OSBPL3: variants seen among roughly 807,000 people sequenced by gnomAD.
OSBPL3 encodes the protein oxysterol-binding protein-related protein 3.
OSBPL3 carries 65 observed loss-of-function variants against 120.1 expected under a neutral mutation model. That is an observed-to-expected ratio of 0.54 (90% CI 0.44 to 0.67). The LOEUF (loss-of-function observed/expected upper bound fraction) is 0.67, where lower values mean the gene tolerates loss of function less well. Among genes scored for constraint, OSBPL3 ranks in the 30% least tolerant of loss-of-function variants. The pLI is 0.00. For missense variants in OSBPL3, 1,004 were observed against 1,082.1 expected (o/e 0.93, Z 1.01); for synonymous variants, 416 against 402.6 (o/e 1.03, Z -0.40).
At chr7:24,839,040 C>A (rs1584317520) in intron 14 of OSBPL3, among the ~76,000 whole-genome samples, 1 of 152,130 alleles carries the variant, frequency 6.6e-6, no homozygotes, top group Non-Finnish European at 1.5e-5. Context: ...TGCTTTCTTC[C>A]CCTATACTGC....
chr7:24,963,222 G>C (rs779418891), intron 1 of OSBPL3, among the ~76,000 whole-genome samples: 51 of 152,282 alleles, frequency 3.3e-4, no homozygotes, highest in Non-Finnish European at 6.3e-4. Context: ...GGGGTTTGCT[G>C]CTTGAATTCA....
intron 1 of OSBPL3, among the ~76,000 whole-genome samples, chr7:24,915,897 A>G (rs980454968): frequency 1.3e-5 from 2 of 152,218 alleles, no homozygotes; most frequent in East Asian, 3.8e-4. Context: ...AAGAATGAAA[A>G]GCCATAGTAA....
rs1337514559 is a variant in OSBPL3, at chr7:24,862,954, C to T, written c.870+246G>A. ...AAAGCCCTAGAAATGGCAGCAGTCC[C>T]TGCGACCTCACACCCTTTTTCCCTT... On this transcript the variant is annotated intron_variant, in intron 9 of 22. Coordinates refer to ENST00000313367, the MANE Select transcript of OSBPL3 (RefSeq NM_015550.4). The surrounding 1 kb of genome is among the most constrained non-coding windows in gnomAD (Gnocchi z 4.4). Among the ~76,000 whole-genome samples, 2 of 152,234 alleles carry T rather than the reference C, an allele frequency of 1.3e-5. No individual in the cohort carries two copies. The highest frequency in any genetic ancestry group is 3.8e-4 in the East Asian group (2 of 5,206).
rs1003902515 is a variant in OSBPL3, at chr7:24,980,071, G to A, written c.-335C>T. On this transcript the variant is annotated 5_prime_UTR_variant, in exon 1 of 23. Coordinates refer to ENST00000313367, the MANE Select transcript of OSBPL3 (RefSeq NM_015550.4). ...CACTTGCAGACAGACTGCGGGGCCGGAGCCGCGCTGCGCACCGGCCGCGAA... is the reference window on the plus strand; with the variant it reads ...CACTTGCAGACAGACTGCGGGGCCGAAGCCGCGCTGCGCACCGGCCGCGAA... The A allele has an allele frequency of 7.1e-6, 7 of 984,646 alleles. No homozygotes were observed. The highest frequency in any genetic ancestry group is 6.2e-5 in the Admixed American group (1 of 16,260). 61.0% of individuals were successfully genotyped at this position (984,646 alleles called of 1,614,324 possible).
intron 1 of OSBPL3, among the ~76,000 whole-genome samples, chr7:24,910,008 G>T (rs1456838026): frequency 6.6e-6 from 1 of 151,910 alleles, no homozygotes; most frequent in Non-Finnish European, 1.5e-5. Flanking sequence ...GTTTCGCCAT[G>T]TTGGTCAGGC....
At chr7:24,870,189 C>A (rs778709612) in intron 5 of OSBPL3, among the ~76,000 whole-genome samples, 6 of 152,176 alleles carry the variant, frequency 3.9e-5, no homozygotes, top group African/African-American at 7.2e-5. Context: ...ACGCTTCATG[C>A]TTTGACTATC....
At chr7:24,921,623 G>A (rs1269082199) in intron 1 of OSBPL3, among the ~76,000 whole-genome samples, 2 of 152,092 alleles carry the variant, frequency 1.3e-5, no homozygotes, top group Non-Finnish European at 2.9e-5. Flanking sequence ...ACCCTCTAGG[G>A]TACCTCTCAG....
chr7:24,921,958 C>T (rs1413715787), intron 1 of OSBPL3, among the ~76,000 whole-genome samples: 2 of 152,192 alleles, frequency 1.3e-5, no homozygotes, highest in African/African-American at 2.4e-5. Flanking sequence ...TTGGCAGCTT[C>T]TCAACATCTA....
chr7:24,965,519 A>C lies in OSBPL3; in HGVS notation c.-150+14367T>G, dbSNP rs1816269408. On this transcript the variant is annotated intron_variant, in intron 1 of 22. Transcript: ENST00000313367. This position sits in a 1 kb window ranked among gnomAD's most constrained non-coding sequence, Gnocchi z 4.3. ...ATTCTCTGGTTCTTCTCGGAATCAG[A>C]ATGGACTCCAGGCTGGTTAAGACTT... is the stretch of plus-strand genomic sequence containing the variant. 6.6e-6 allele frequency among the ~76,000 whole-genome samples: 1 copy of C among 152,190 alleles called. No individual in the cohort carries two copies. Among genetic ancestry groups the C allele is most frequent in the African/African-American group, 2.4e-5 (1 of 41,436 alleles).
At chr7:24,878,305 T>TG (rs1243717886) in intron 2 of OSBPL3, among the ~76,000 whole-genome samples, 1 of 152,180 alleles carries the variant, frequency 6.6e-6, no homozygotes, top group Non-Finnish European at 1.5e-5. Context: ...TCAAGAGTGT[T>TG]GGGGAAGAAA....
chr7:24,875,689 G>T (rs1177102551), intron 2 of OSBPL3, among the ~76,000 whole-genome samples: 1 of 151,712 alleles, frequency 6.6e-6, no homozygotes. Context: ...CTCCAGCCTG[G>T]GTGAAAGAGT....
rs974070331 is a variant in OSBPL3 at position 24,898,685 on chromosome 7, G to T, written c.-149-6064C>A. Reference sequence around the variant, plus strand: ...ACAAAAAGCTGGACAATGGTATCTGGCTGTCAGTTTAGGCTGGAACCATTT... The same window carrying T: ...ACAAAAAGCTGGACAATGGTATCTGTCTGTCAGTTTAGGCTGGAACCATTT... On this transcript the variant is annotated intron_variant, in intron 1 of 22. Transcript: ENST00000313367. This position sits in a 1 kb window ranked among gnomAD's most constrained non-coding sequence, Gnocchi z 4.3. 6.6e-6 allele frequency among the ~76,000 whole-genome samples: 1 copy of T among 152,104 alleles called. No homozygotes were observed. The highest frequency in any genetic ancestry group is 2.4e-5 in the African/African-American group (1 of 41,408).
intron 14 of OSBPL3, among the ~76,000 whole-genome samples, chr7:24,840,152 C>G (rs1797553172): frequency 8.2e-6 from 1 of 121,970 alleles, no homozygotes; most frequent in African/African-American, 3.0e-5. Flanking sequence ...TTATAAAATC[C>G]TAGGGGGTGG....
At position 24,849,651 on chromosome 7, in the gene OSBPL3, G is replaced by T. The variant is rs1188315122; in HGVS notation, c.1159-475C>A. 6.6e-6 allele frequency among the ~76,000 whole-genome samples: 1 copy of T among 152,166 alleles called. No homozygotes were observed. Among genetic ancestry groups the T allele is most frequent in the Non-Finnish European group, 1.5e-5 (1 of 68,032 alleles). ...CTTAATTATCATACCCATTGAATCA[G>T]ATTTTAGAAAGTGTGCTGGAGGCCG... On this transcript the variant is annotated intron_variant, in intron 11 of 22. Transcript: ENST00000313367. This position sits in a 1 kb window ranked among gnomAD's most constrained non-coding sequence, Gnocchi z 5.4.
In OSBPL3 at chr7:24,913,251, G is replaced by T. The variant is rs1265486704; in HGVS notation, c.-149-20630C>A. 1.3e-5 allele frequency among the ~76,000 whole-genome samples: 2 copies of T among 152,204 alleles called. No homozygotes were observed. The highest frequency in any genetic ancestry group is 4.8e-5 in the African/African-American group (2 of 41,454). On this transcript the variant is annotated intron_variant, in intron 1 of 22. Transcript: ENST00000313367. This position sits in a 1 kb window ranked among gnomAD's most constrained non-coding sequence, Gnocchi z 5.3. ...TCTCAATTTACCAAGTTTTGGGGTT[G>T]TTTGTGACACTGCATTAGATCGCTG... is the stretch of plus-strand genomic sequence containing the variant.
rs1792583546 is a variant in OSBPL3 at position 24,803,150 on chromosome 7, T to C, written c.2567+1165A>G. Among the ~76,000 whole-genome samples the C allele has an allele frequency of 6.6e-6, 1 of 152,174 alleles. No homozygotes were observed. Among genetic ancestry groups the C allele is most frequent in the Non-Finnish European group, 1.5e-5 (1 of 68,026 alleles). ...ATTAATAACTAAATCCTAAAAGTAC[T>C]TCTGTTGTCCACTAAAAACAAACAA... On this transcript the variant is annotated intron_variant, in intron 22 of 22. Transcript: ENST00000313367. This position sits in a 1 kb window ranked among gnomAD's most constrained non-coding sequence, Gnocchi z 4.2.
chr7:24,848,236 T>A (rs1238070120), intron 12 of OSBPL3, among the ~76,000 whole-genome samples: 1 of 152,234 alleles, frequency 6.6e-6, no homozygotes, highest in African/African-American at 2.4e-5. Context: ...CGAAACACTA[T>A]GATTAAACAT....
rs1206594318 is a variant in OSBPL3 at position 24,910,105 on chromosome 7, C to T, written c.-149-17484G>A. On this transcript the variant is annotated intron_variant, in intron 1 of 22. Transcript: ENST00000313367. Reference sequence around the variant, plus strand: ...ACAGGTGTGAGCCACCGTGGCTGGCCGAAAGCTACTATTTTCAATTTGAAG... The same window carrying T: ...ACAGGTGTGAGCCACCGTGGCTGGCTGAAAGCTACTATTTTCAATTTGAAG... 6.6e-5 allele frequency among the ~76,000 whole-genome samples: 10 copies of T among 152,084 alleles called. No individual in the cohort carries two copies. The East Asian group carries it at 9.7e-4, about 15-fold the overall frequency.
At position 24,898,965 on chromosome 7, in the gene OSBPL3, C is replaced by T. The variant is rs958344523; in HGVS notation, c.-149-6344G>A. On this transcript the variant is annotated intron_variant, in intron 1 of 22. Transcript: ENST00000313367. The surrounding 1 kb of genome is among the most constrained non-coding windows in gnomAD (Gnocchi z 4.3). ...AATAATGACTCACTATAATTTCATG[C>T]GCTGCTCCTAGATTTGCCCTTGGTA... 3.9e-5 allele frequency among the ~76,000 whole-genome samples: 6 copies of T among 152,134 alleles called. No homozygotes were observed. The highest frequency in any genetic ancestry group is 2.1e-4 in the South Asian group (1 of 4,826).
Sources: gnomAD v4.1 joint callset for allele counts (sites outside exome capture counted in the v4.1 genomes callset) on GRCh38, gnomAD v4.1.1 for gene constraint, Gnocchi (gnomAD v3.1) non-coding constraint, MANE v1.5 for transcripts, NCBI Gene and HGNC (gene_info 2026-07-23, HGNC 2026-07-21) for gene names.